Variants in TNR observed in about 807,000 individuals in gnomAD.
TNR encodes tenascin R, also known as tenascin-R.
A neutral mutation model predicts 150.4 loss-of-function variants in TNR; 45 were observed. The observed-to-expected ratio is 0.30, with a 90% CI of 0.24 to 0.38. The LOEUF is 0.38. TNR is among the 10% of genes least tolerant of loss of function. The pLI is 1.00. For synonymous variants in TNR, 687 were observed against 678.4 expected (o/e 1.01, Z -0.20); for missense variants, 1,544 against 1,759.1 (o/e 0.88, Z 2.19).
chr1:175,691,107 T>C (rs1488127150), intron 1 of TNR, among the ~76,000 whole-genome samples: 1 of 151,194 alleles, frequency 6.6e-6, no homozygotes, highest in Admixed American at 6.6e-5. Context: ...TAGTAAGTAG[T>C]TGGATAGCAC....
Position 175,592,191 on chromosome 1 carries a change from T to G in TNR, c.-164-63822A>C, listed in dbSNP as rs141991393. On this transcript the variant is annotated intron_variant, in intron 1 of 22. Coordinates refer to ENST00000367674, the MANE Select transcript of TNR (RefSeq NM_003285.3). ...TAGAGTTATGGTAAGACATAAGAGA[T>G]AACTTATGTAAAATCATTAGCAAAT... 1.5e-3 allele frequency among the ~76,000 whole-genome samples: 233 copies of G among 152,300 alleles called. 3 individuals carry two copies. The highest frequency in any genetic ancestry group is 5.4e-3 in the African/African-American group (225 of 41,568).
At chr1:175,331,073 CTTT>C (rs1557867998) in intron 20 of TNR, among the ~76,000 whole-genome samples, 16 of 123,490 alleles carry the variant, frequency 1.3e-4, no homozygotes, top group East Asian at 1.1e-3. Context: ...TTCTTTCTTT[CTTT>C]CCTTCTTTCT....
intron 1 of TNR, among the ~76,000 whole-genome samples, chr1:175,604,548 T>C (rs548321789): frequency 1.3e-5 from 2 of 152,300 alleles, no homozygotes; most frequent in African/African-American, 4.8e-5. Flanking sequence ...CGATGCTATC[T>C]TGCTGCCCAG....
chr1:175,597,075 A>G (rs1349202074), intron 1 of TNR, among the ~76,000 whole-genome samples: 3 of 152,224 alleles, frequency 2.0e-5, no homozygotes, highest in Non-Finnish European at 4.4e-5. Context: ...CATTATAATA[A>G]TGATGTTTTG....
intron 18 of TNR, among the ~76,000 whole-genome samples, chr1:175,341,875 C>T (rs953656242): frequency 6.6e-6 from 1 of 152,200 alleles, no homozygotes; most frequent in Non-Finnish European, 1.5e-5. Flanking sequence ...GGTTGACTCT[C>T]CCTTGTTAGA....
chr1:175,601,231 G>A lies in TNR; in HGVS notation c.-164-72862C>T, dbSNP rs933089626. 3.3e-5 allele frequency among the ~76,000 whole-genome samples: 5 copies of A among 152,334 alleles called. No homozygotes were observed. In the East Asian group the frequency reaches 9.7e-4, roughly 29 times the overall value. ...CCACATCCTGCACTTGCTCTGCAGCGGGTAGAGTTTGGGTAAGGTCACTTG... is the reference window on the plus strand; with the variant it reads ...CCACATCCTGCACTTGCTCTGCAGCAGGTAGAGTTTGGGTAAGGTCACTTG... On this transcript the variant is annotated intron_variant, in intron 1 of 22. Coordinates refer to ENST00000367674, the MANE Select transcript of TNR (RefSeq NM_003285.3).
chr1:175,632,263 A>G (rs1397203059), intron 1 of TNR, among the ~76,000 whole-genome samples: 1 of 152,232 alleles, frequency 6.6e-6, no homozygotes, highest in Non-Finnish European at 1.5e-5. Flanking sequence ...TGATTCTTAG[A>G]GATGGTGTGA....
intron 2 of TNR, among the ~76,000 whole-genome samples, chr1:175,426,940 A>G (rs11803460): frequency 0.051 from 4,643 of 91,252 alleles, 415 homozygotes; most frequent in African/African-American, 0.11. Context: ...TATAAAATAT[A>G]TTATATATAT....
At chr1:175,700,180 A>G (rs182416966) in intron 1 of TNR, among the ~76,000 whole-genome samples, 2,263 of 151,284 alleles carry the variant, frequency 0.015, 70 homozygotes, top group African/African-American at 0.051. Context: ...TGAGTCCTCT[A>G]GCTTAAGATA....
intron 3 of TNR, among the ~76,000 whole-genome samples, chr1:175,403,941 G>C (rs1402147775): frequency 6.6e-6 from 1 of 152,134 alleles, no homozygotes. Flanking sequence ...TTATTGGAAG[G>C]TGTTCCCAGA....
intron 2 of TNR, among the ~76,000 whole-genome samples, chr1:175,436,635 C>A (rs1373244266): frequency 6.6e-6 from 1 of 152,094 alleles, no homozygotes; most frequent in African/African-American, 2.4e-5. Context: ...TCAGGAAACC[C>A]ACCTCACGTT....
At chr1:175,365,397 C>T (rs1651787172) in intron 11 of TNR, 118 bp from the exon 12 acceptor site, 7 of 1,198,454 alleles carry the variant, frequency 5.8e-6, no homozygotes, top group African/African-American at 1.5e-5. Context: ...ACACCTTCAC[C>T]CACTAACCAA....
At chr1:175,438,275 AACC>A (rs1655612778) in intron 2 of TNR, among the ~76,000 whole-genome samples, 1 of 152,232 alleles carries the variant, frequency 6.6e-6, no homozygotes, top group South Asian at 2.1e-4. Context: ...CAAAGACAAA[AACC>A]ACATGATTAT....
chr1:175,710,357 G>C (rs1365474399), intron 1 of TNR, among the ~76,000 whole-genome samples: 4 of 152,246 alleles, frequency 2.6e-5, no homozygotes, highest in African/African-American at 9.6e-5. Context: ...GGCTGTAAAG[G>C]GTGGGGATGT....
At chr1:175,551,512 G>A (rs573373340) in intron 1 of TNR, among the ~76,000 whole-genome samples, 1 of 152,212 alleles carries the variant, frequency 6.6e-6, no homozygotes, top group South Asian at 2.1e-4. Context: ...AGTGAAGGGA[G>A]TTTCAGAAGG....
chr1:175,381,290 C>A (rs1409901708), intron 8 of TNR, among the ~76,000 whole-genome samples: 1 of 152,102 alleles, frequency 6.6e-6, no homozygotes, highest in Admixed American at 6.5e-5. Flanking sequence ...TGAACTGGGG[C>A]AAAATTAATT....
At chr1:175,451,030 A>G (rs986938575) in intron 2 of TNR, among the ~76,000 whole-genome samples, 1 of 152,122 alleles carries the variant, frequency 6.6e-6, no homozygotes, top group Non-Finnish European at 1.5e-5. Context: ...GGATGAAGGC[A>G]TTTGTGATTC....
At position 175,393,941 on chromosome 1, in the gene TNR, G is replaced by A. The variant is rs763143433; in HGVS notation, c.1241-46C>T. 1.2e-5 allele frequency: 18 copies of A among 1,446,972 alleles called. No homozygotes were observed. In the Middle Eastern group the frequency reaches 1.4e-3, roughly 112 times the overall value. The allele number at this position is 1,446,972 out of a possible 1,614,324, so 89.6% of individuals were successfully genotyped here. On this transcript the variant is annotated intron_variant, in intron 5 of 22. Coordinates refer to ENST00000367674, the MANE Select transcript of TNR (RefSeq NM_003285.3). ...TGACAATGTCATGGCTAACCCTTGG[G>A]ACAGACAGCATTGCCTGGTGCTTTG...
chr1:175,623,891 C>G (rs570836582), intron 1 of TNR, among the ~76,000 whole-genome samples: 6 of 152,370 alleles, frequency 3.9e-5, no homozygotes, highest in African/African-American at 1.4e-4. Flanking sequence ...AAGGCTTGGG[C>G]CCAGGTCTCC....
Sources: allele counts gnomAD v4.1 joint callset (sites outside exome capture counted in the v4.1 genomes callset), GRCh38; gene constraint gnomAD v4.1.1; transcripts MANE v1.5; gene names NCBI Gene and HGNC (gene_info 2026-07-23, HGNC 2026-07-21).